Variants in GRM5 observed in about 807,000 individuals in gnomAD.
GRM5 encodes the protein glutamate metabotropic receptor 5.
A neutral mutation model predicts 83.1 loss-of-function variants in GRM5; 19 were observed. That is an observed-to-expected ratio of 0.23 (90% CI 0.16 to 0.34). GRM5 has a LOEUF of 0.34. Ranked by LOEUF, GRM5 falls within the 10% of genes least tolerant of loss-of-function variation. The probability of loss-of-function intolerance (pLI) is 1.00; values close to 1 mark genes in which losing one functional copy is unlikely to be tolerated. For synonymous variants in GRM5, 675 were observed against 633.6 expected (o/e 1.07, Z -0.98); for missense variants, 1,160 against 1,588.3 (o/e 0.73, Z 4.58).
chr11:88,987,674 G>T (rs1292834280), intron 2 of GRM5, among the ~76,000 whole-genome samples: 1 of 152,160 alleles, frequency 6.6e-6, no homozygotes, highest in African/African-American at 2.4e-5. Context: ...AGAATGGGCA[G>T]ACTGCCTCCT....
chr11:88,831,280 C>T (rs935799723), intron 3 of GRM5, among the ~76,000 whole-genome samples: 5 of 152,236 alleles, frequency 3.3e-5, no homozygotes, highest in African/African-American at 1.2e-4. Flanking sequence ...GCAACCCCAA[C>T]TGCCACAAGT....
intron 2 of GRM5, among the ~76,000 whole-genome samples, chr11:88,939,635 C>T (rs752580780): frequency 1.3e-5 from 2 of 151,528 alleles, no homozygotes; most frequent in Non-Finnish European, 2.9e-5. Context: ...GCGAACACAA[C>T]ACTAGATTAG....
At chr11:88,721,593 G>A (rs776000955) in intron 3 of GRM5, among the ~76,000 whole-genome samples, 1 of 151,988 alleles carries the variant, frequency 6.6e-6, no homozygotes, top group Non-Finnish European at 1.5e-5. Context: ...TTCCAAACAA[G>A]AATAAACATC....
At chr11:89,051,388 T>G (rs1941758220) in intron 1 of GRM5, among the ~76,000 whole-genome samples, 1 of 152,102 alleles carries the variant, frequency 6.6e-6, no homozygotes, top group Non-Finnish European at 1.5e-5. Context: ...GTCCAGGCCA[T>G]GCAGGATGTT....
intron 3 of GRM5, among the ~76,000 whole-genome samples, chr11:88,811,919 C>T (rs1250175391): frequency 2.6e-5 from 4 of 152,054 alleles, no homozygotes; most frequent in East Asian, 1.9e-4. Flanking sequence ...ATGACATACT[C>T]TTCCCAAAAA....
At chr11:88,607,277 T>C (rs140474955) in intron 4 of GRM5, among the ~76,000 whole-genome samples, 16 of 152,352 alleles carry the variant, frequency 1.1e-4, no homozygotes, top group African/African-American at 3.8e-4. Flanking sequence ...ATTATTCTAG[T>C]TGCCAAGTCA....
At position 89,009,946 on chromosome 11, in the gene GRM5, A is replaced by T. The variant is rs1940651660; in HGVS notation, c.661+37266T>A. 2.1e-5 allele frequency among the ~76,000 whole-genome samples: 3 copies of T among 146,338 alleles called. No homozygotes were observed. In the South Asian group the frequency reaches 6.3e-4, roughly 31 times the overall value. On this transcript the variant is annotated intron_variant, in intron 2 of 9. Transcript: ENST00000305447. ...AAAAAAAAAACACACACAAAATCAA[A>T]ATGTTTACAATTGTAATAAATATAT...
intron 5 of GRM5, among the ~76,000 whole-genome samples, chr11:88,600,697 T>C (rs905810584): frequency 6.6e-6 from 1 of 152,168 alleles, no homozygotes; most frequent in Admixed American, 6.6e-5. Flanking sequence ...TTAGAGAAGA[T>C]TGTCTTCAGA....
At chr11:88,611,747 T>G (rs867251401) in intron 4 of GRM5, among the ~76,000 whole-genome samples, 52 of 152,272 alleles carry the variant, frequency 3.4e-4, no homozygotes, top group African/African-American at 1.2e-3. Flanking sequence ...TTTCTTATCT[T>G]CTGCTAGCTT....
intron 2 of GRM5, among the ~76,000 whole-genome samples, chr11:88,934,721 G>A (rs1001231128): frequency 1.3e-5 from 2 of 151,676 alleles, no homozygotes; most frequent in Non-Finnish European, 2.9e-5. Context: ...TCTTATAATT[G>A]AATATACATT....
At chr11:88,572,853 T>C (rs1943031904) in intron 7 of GRM5, among the ~76,000 whole-genome samples, 1 of 152,178 alleles carries the variant, frequency 6.6e-6, no homozygotes, top group East Asian at 1.9e-4. Flanking sequence ...CTAAAGCGCA[T>C]ATAATGTATA....
Position 88,567,570 on chromosome 11 carries a change from A to G in GRM5, c.2113T>C (p.Leu705=), listed in dbSNP as rs770580322. The G allele has an allele frequency of 8.1e-6, 13 of 1,614,098 alleles. No homozygotes were observed. The East Asian group carries it at 2.5e-4, about 30-fold the overall frequency. The change falls in exon 8 of 10, where the codon TTG becomes CTG. Residue 705 remains leucine, a synonymous_variant. Transcript: ENST00000305447. The surrounding 1 kb of genome is among the most constrained non-coding windows in gnomAD (Gnocchi z 7.3). Reference sequence around the variant, plus strand: ...ATAAAGAGGGCAACGATGATGCCCAACTGGATGCATATGAGAATGAAAGCA... The same window carrying G: ...ATAAAGAGGGCAACGATGATGCCCAGCTGGATGCATATGAGAATGAAAGCA... ...VIAFILICIQ[L]GIIVALFIME... is the part of the protein sequence containing the mutation.
At chr11:88,862,043 T>G (rs1413554817) in intron 2 of GRM5, among the ~76,000 whole-genome samples, 1 of 152,172 alleles carries the variant, frequency 6.6e-6, no homozygotes, top group Non-Finnish European at 1.5e-5. Flanking sequence ...TGAATCATTG[T>G]GTATAGCAGC....
chr11:88,547,679 T>C (rs1252817335), intron 8 of GRM5, among the ~76,000 whole-genome samples: 1 of 152,162 alleles, frequency 6.6e-6, no homozygotes, highest in East Asian at 1.9e-4. Context: ...TAATGGAGGC[T>C]ATAATAAGGC....
intron 2 of GRM5, among the ~76,000 whole-genome samples, chr11:88,985,865 C>A (rs1479655118): frequency 1.3e-5 from 2 of 152,014 alleles, no homozygotes; most frequent in Non-Finnish European, 2.9e-5. Flanking sequence ...GCTAGTGTGT[C>A]TAAAATGCAA....
At chr11:88,573,264 C>T (rs1943042960) in intron 7 of GRM5, among the ~76,000 whole-genome samples, 1 of 152,082 alleles carries the variant, frequency 6.6e-6, no homozygotes, top group Non-Finnish European at 1.5e-5. Context: ...AATGTGTTCC[C>T]CATAAGTCTA....
rs148052807 is a variant in GRM5, at chr11:89,055,323, G to T, written c.-200-7251C>A. 9.6e-3 allele frequency among the ~76,000 whole-genome samples: 1,459 copies of T among 152,254 alleles called. 17 individuals carry two copies. The highest frequency in any genetic ancestry group is 0.033 in the African/African-American group (1,389 of 41,536). On this transcript the variant is annotated intron_variant, in intron 1 of 9. Coordinates refer to ENST00000305447, the MANE Select transcript of GRM5 (RefSeq NM_001143831.3). ...GTGACAGCAGTACCTACCCCAAAGAGTTTTAGTGAGTATTGAATAAGCTAA... is the reference window on the plus strand; with the variant it reads ...GTGACAGCAGTACCTACCCCAAAGATTTTTAGTGAGTATTGAATAAGCTAA...
intron 2 of GRM5, among the ~76,000 whole-genome samples, chr11:88,996,479 C>T (rs1940190426): frequency 6.6e-6 from 1 of 152,138 alleles, no homozygotes; most frequent in Non-Finnish European, 1.5e-5. Flanking sequence ...AGAGGACAAC[C>T]CAATCCTAAA....
intron 3 of GRM5, among the ~76,000 whole-genome samples, chr11:88,753,034 G>A (rs1361779001): frequency 6.6e-6 from 1 of 152,120 alleles, no homozygotes; most frequent in Non-Finnish European, 1.5e-5. Flanking sequence ...TACCATTCAG[G>A]ACAGAGGCAT....
Sources: allele counts gnomAD v4.1 joint callset (sites outside exome capture counted in the v4.1 genomes callset), GRCh38; gene constraint gnomAD v4.1.1; non-coding constraint Gnocchi (gnomAD v3.1); transcripts MANE v1.5; gene names NCBI Gene and HGNC (gene_info 2026-07-23, HGNC 2026-07-21).